The following TERF1 variants were observed in gnomAD, a reference collection of about 807,000 sequenced individuals.
TERF1 encodes the protein telomeric repeat binding factor 1, also known as telomeric repeat-binding factor 1.
In TERF1, 20 loss-of-function variants were observed where a neutral mutation model predicts 55.1. The ratio of observed to expected loss-of-function variants is 0.36; its 90% confidence interval spans 0.26 to 0.53. The LOEUF (loss-of-function observed/expected upper bound fraction) is 0.53, where lower values mean the gene tolerates loss of function less well. Ranked by LOEUF, TERF1 falls within the 20% of genes least tolerant of loss-of-function variation. The pLI is 0.91. For synonymous variants in TERF1, 168 were observed against 181.2 expected, an observed-to-expected ratio of 0.93 and a Z score of 0.59; for missense variants, 439 against 535.7, an observed-to-expected ratio of 0.82 and a Z score of 1.78.
intron 9 of TERF1, among the ~76,000 whole-genome samples, chr8:73,039,770 G>GGTGT (rs35184446): frequency 0.11 from 15,408 of 136,276 alleles, 842 homozygotes; most frequent in Middle Eastern, 0.15. Flanking sequence ...TTGTTTTTGT[G>GGTGT]GTGTGTGTGT....
At chr8:73,010,331 C>G (rs760840795) in intron 1 of TERF1, 1 of 152,124 alleles carries the variant, frequency 6.6e-6, no homozygotes, top group Non-Finnish European at 1.5e-5. Flanking sequence ...GCGGTTAACA[C>G]TGGAGCCAGG....
chr8:73,037,765 G>C (rs1466228665), intron 8 of TERF1, among the ~76,000 whole-genome samples: 1 of 51,878 alleles, frequency 1.9e-5, no homozygotes, highest in African/African-American at 7.1e-5. Flanking sequence ...ATATTATATA[G>C]TATAATATAT....
intron 8 of TERF1, among the ~76,000 whole-genome samples, chr8:73,032,841 G>A (rs1053656666): frequency 6.6e-6 from 1 of 151,748 alleles, no homozygotes; most frequent in Non-Finnish European, 1.5e-5. Flanking sequence ...TGACCCCACA[G>A]TAATATTTTA....
At chr8:73,032,236 A>C in intron 8 of TERF1, 103 bp downstream of exon 8, 1 of 730,656 alleles carries the variant, frequency 1.4e-6, no homozygotes, top group Non-Finnish European at 2.2e-6. Context: ...CACTTCAGAA[A>C]ACTGAAGCAC....
At chr8:73,032,661 C>A (rs1315350307) in intron 8 of TERF1, among the ~76,000 whole-genome samples, 1 of 152,056 alleles carries the variant, frequency 6.6e-6, no homozygotes, top group East Asian at 1.9e-4. Flanking sequence ...CCCCATTTCT[C>A]AGAACATATC....
chr8:73,036,648 C>A (rs1809524259), intron 8 of TERF1, among the ~76,000 whole-genome samples: 1 of 151,620 alleles, frequency 6.6e-6, no homozygotes, highest in South Asian at 2.1e-4. Flanking sequence ...AAGTCCCTTA[C>A]ATAAAATGGC....
rs535789379 is a variant in TERF1, at chr8:73,047,219, G to C, written c.*1082G>C. ...TTTTTTAAAAAAGAAAAAGACAATA[G>C]TATTACCCATGGGACAAAATTTGTA... is the stretch of plus-strand genomic sequence containing the variant. On this transcript the variant is annotated 3_prime_UTR_variant, in exon 10 of 10. Transcript: ENST00000276603. The C allele has an allele frequency of 6.6e-6, 1 of 151,918 alleles. No individual in the cohort carries two copies. Among genetic ancestry groups the C allele is most frequent in the Non-Finnish European group, 1.5e-5 (1 of 67,990 alleles). 9.4% of individuals were successfully genotyped at this position (151,918 alleles called of 1,614,324 possible).
intron 2 of TERF1, among the ~76,000 whole-genome samples, 163 bp downstream of exon 2, chr8:73,014,153 C>T (rs781599468): frequency 6.6e-6 from 1 of 151,480 alleles, no homozygotes; most frequent in Non-Finnish European, 1.5e-5. Flanking sequence ...ACAGTCATAT[C>T]TAAAGCAAGT....
intron 5 of TERF1, among the ~76,000 whole-genome samples, chr8:73,025,886 AC>A (rs1381940866): frequency 2.6e-4 from 37 of 142,840 alleles, no homozygotes; most frequent in South Asian, 4.5e-4. Flanking sequence ...ACAAAATGAG[AC>A]CCTGTCTCAA....
chr8:73,021,317 C>T (rs1808742599), intron 3 of TERF1, among the ~76,000 whole-genome samples: 1 of 152,122 alleles, frequency 6.6e-6, no homozygotes, highest in Non-Finnish European at 1.5e-5. Flanking sequence ...TCATTCCCCA[C>T]CTTCCCAAGA....
chr8:73,038,604 G>A (rs962289563), intron 8 of TERF1: 1 of 178,688 alleles, frequency 5.6e-6, no homozygotes, highest in Non-Finnish European at 1.1e-5. Context: ...TCCTTTTTGT[G>A]TATTGATCTT....
intron 2 of TERF1, among the ~76,000 whole-genome samples, chr8:73,014,890 T>C (rs1025101084): frequency 2.6e-5 from 4 of 152,102 alleles, no homozygotes; most frequent in African/African-American, 9.7e-5. Flanking sequence ...GGCAGAATAG[T>C]TGTGAAAGAG....
In TERF1 at chr8:73,020,717, C is replaced by G. The variant is rs768104625; in HGVS notation, c.449C>G (p.Pro150Arg). 6.2e-7 allele frequency: 1 copy of G among 1,601,940 alleles called. No homozygotes were observed. The highest frequency in any genetic ancestry group is 1.3e-5 in the African/African-American group (1 of 74,388). Reference sequence around the variant, plus strand: ...TTTGAAAATGATGAACGAATTACACCCTTGGAATCAGCCCTGATGATTTGG... The same window carrying G: ...TTTGAAAATGATGAACGAATTACACGCTTGGAATCAGCCCTGATGATTTGG... ...AQFENDERITPLESALMIWGS... is the reference protein window; with the variant it reads ...AQFENDERITRLESALMIWGS... The change falls in exon 3 of 10, where the codon CCC becomes CGC. Residue 150 changes from proline to arginine, a missense_variant. Physicochemically the swap from Pro to Arg is moderately radical, Grantham distance 103. This residue lies in a region of TERF1 where 95 missense variants were observed against 167.2 expected (regional missense o/e 0.57). Transcript: ENST00000276603.
intron 1 of TERF1, 27 bp downstream of exon 1, chr8:73,009,232 G>T: frequency 2.5e-6 from 4 of 1,588,472 alleles, no homozygotes; most frequent in Non-Finnish European, 3.4e-6. Context: ...TCCGGGCCGG[G>T]ACTACGCGGG....
intron 5 of TERF1, among the ~76,000 whole-genome samples, chr8:73,025,738 C>CAG (rs1808955176): frequency 8.9e-6 from 1 of 112,106 alleles, no homozygotes; most frequent in Non-Finnish European, 1.7e-5. Flanking sequence ...GCCTGGGCGA[C>CAG]AGTGAGACTC....
At chr8:73,044,726 G>A (rs1311869395) in intron 9 of TERF1, among the ~76,000 whole-genome samples, 1 of 151,914 alleles carries the variant, frequency 6.6e-6, no homozygotes, top group East Asian at 1.9e-4. Context: ...CAGCCCCCTT[G>A]CCACCATCAT....
At chr8:73,031,755 A>G (rs553581197) in intron 7 of TERF1, 1 of 221,872 alleles carries the variant, frequency 4.5e-6, no homozygotes, top group Non-Finnish European at 8.7e-6. Flanking sequence ...ATCTAATTGG[A>G]AGGCCGAAAG....
chr8:73,028,200 T>C (rs1809102847), intron 6 of TERF1, among the ~76,000 whole-genome samples: 1 of 152,320 alleles, frequency 6.6e-6, no homozygotes, highest in African/African-American at 2.4e-5. Flanking sequence ...ACACTTCCTA[T>C]GGACTCTCCT....
rs550641791 is a variant in TERF1, at chr8:73,009,523, T to C, written c.319+318T>C. 2.0e-3 allele frequency: 608 copies of C among 304,820 alleles called. 2 individuals carry two copies. Among genetic ancestry groups the C allele is most frequent in the Non-Finnish European group, 2.8e-3 (452 of 162,652 alleles). 18.9% of individuals were successfully genotyped at this position (304,820 alleles called of 1,614,324 possible). On this transcript the variant is annotated intron_variant, in intron 1 of 9. Transcript: ENST00000276603. Reference sequence around the variant, plus strand: ...CTTTGTCTCTTTTGGCGCTTTCTACTCAGGTATTCCTGTAGTAATATTCAG... The same window carrying C: ...CTTTGTCTCTTTTGGCGCTTTCTACCCAGGTATTCCTGTAGTAATATTCAG...
Sources: gnomAD v4.1 joint callset for allele counts (sites outside exome capture counted in the v4.1 genomes callset) on GRCh38, gnomAD v4.1.1 for gene constraint, gnomAD v4.1.1 regional missense constraint, MANE v1.5 for transcripts, NCBI Gene and HGNC (gene_info 2026-07-23, HGNC 2026-07-21) for gene names.